Variants in RPTOR observed in about 807,000 individuals in gnomAD.
RPTOR encodes regulatory-associated protein of mTOR.
A neutral mutation model predicts 169.9 loss-of-function variants in RPTOR; 21 were observed. That is an observed-to-expected ratio of 0.12 (90% CI 0.09 to 0.18). RPTOR has a LOEUF of 0.18. Ranked by LOEUF, RPTOR falls within the 10% of genes least tolerant of loss-of-function variation. RPTOR has a pLI of 1.00. For synonymous variants in RPTOR, 732 were observed against 753.2 expected (o/e 0.97, Z 0.46); for missense variants, 1,133 against 1,855.9 (o/e 0.61, Z 7.16).
At chr17:80,891,275 G>C (rs1470760887) in intron 17 of RPTOR, among the ~76,000 whole-genome samples, 1 of 152,266 alleles carries the variant, frequency 6.6e-6, no homozygotes, top group Non-Finnish European at 1.5e-5. Flanking sequence ...GCTTCGGCTT[G>C]TCCGCTGCAC....
intron 2 of RPTOR, among the ~76,000 whole-genome samples, chr17:80,642,588 A>G (rs1401929748): frequency 6.6e-6 from 1 of 152,050 alleles, no homozygotes; most frequent in Non-Finnish European, 1.5e-5. Context: ...AAAATAATCT[A>G]TGGGTAAAAA....
At chr17:80,796,547 G>T (rs1482366473) in intron 7 of RPTOR, among the ~76,000 whole-genome samples, 2 of 152,160 alleles carry the variant, frequency 1.3e-5, no homozygotes, top group African/African-American at 4.8e-5. Flanking sequence ...ACTATCACGA[G>T]AACAGCCACT....
At chr17:80,806,936 C>G (rs1170056705) in intron 7 of RPTOR, among the ~76,000 whole-genome samples, 1 of 152,138 alleles carries the variant, frequency 6.6e-6, no homozygotes, top group African/African-American at 2.4e-5. Flanking sequence ...TGACCACATG[C>G]ATTAACCCTC....
At chr17:80,685,640 T>TA (rs1598220639) in intron 3 of RPTOR, among the ~76,000 whole-genome samples, 38 of 102,754 alleles carry the variant, frequency 3.7e-4, no homozygotes, top group East Asian at 1.3e-3. Context: ...TTTTTTTTTT[T>TA]TTTTTTTTTT....
chr17:80,681,403 G>A (rs931333562), intron 3 of RPTOR, among the ~76,000 whole-genome samples: 3 of 152,192 alleles, frequency 2.0e-5, no homozygotes, highest in Non-Finnish European at 4.4e-5. Flanking sequence ...TAGAGTGCGT[G>A]CGTGCTGTGT....
intron 13 of RPTOR, among the ~76,000 whole-genome samples, chr17:80,868,569 A>G (rs2068018240): frequency 6.6e-6 from 1 of 152,158 alleles, no homozygotes. Context: ...CTTATTTCAC[A>G]GTTTCTTATA....
At chr17:80,750,168 T>C (rs1163685184) in intron 5 of RPTOR, among the ~76,000 whole-genome samples, 1 of 152,226 alleles carries the variant, frequency 6.6e-6, no homozygotes, top group Non-Finnish European at 1.5e-5. Flanking sequence ...AAAGAAAACC[T>C]AAAACTAGTA....
chr17:80,696,676 T>A (rs2066039448), intron 3 of RPTOR, among the ~76,000 whole-genome samples: 1 of 152,230 alleles, frequency 6.6e-6, no homozygotes, highest in African/African-American at 2.4e-5. Context: ...TCTCTTGGCC[T>A]CTTTGCTGGA....
At chr17:80,643,864 C>T in intron 3 of RPTOR, 54 bp downstream of exon 3, 2 of 1,378,298 alleles carry the variant, frequency 1.5e-6, no homozygotes, top group Non-Finnish European at 2.0e-6. Context: ...AACTCCAGTT[C>T]CTTGGTTTCC....
At chr17:80,666,232 A>G (rs2065778154) in intron 3 of RPTOR, among the ~76,000 whole-genome samples, 1 of 150,210 alleles carries the variant, frequency 6.7e-6, no homozygotes, top group Non-Finnish European at 1.5e-5. Flanking sequence ...CTAAAATATT[A>G]TTCTTCTCCA....
intron 6 of RPTOR, among the ~76,000 whole-genome samples, chr17:80,784,195 C>G (rs1447301804): frequency 6.6e-6 from 1 of 151,772 alleles, no homozygotes; most frequent in Non-Finnish European, 1.5e-5. Flanking sequence ...CTCAAGTGAT[C>G]CTCCTGCCTT....
In RPTOR at chr17:80,958,405, CTT is replaced by C. The variant is rs34955105; in HGVS notation, c.3477+697_3477+698del. 2.3e-3 allele frequency among the ~76,000 whole-genome samples: 190 copies of C among 83,642 alleles called. 2 individuals carry two copies. Among genetic ancestry groups the C allele is most frequent in the African/African-American group, 9.8e-3 (185 of 18,938 alleles). The allele number at this position is 83,642 out of a possible 152,430, so 54.9% of individuals were successfully genotyped here. A position where few individuals can be genotyped will look rare whatever the true frequency, so the allele number is the denominator to read the frequency against. ...TACAGAAGACAGAAGATTTTTGTTTCTTTTTTTTTTTTTTTTTTTTTTTGAGA... is the reference window on the plus strand; with the variant it reads ...TACAGAAGACAGAAGATTTTTGTTTCTTTTTTTTTTTTTTTTTTTTTGAGA... On this transcript the variant is annotated intron_variant, in intron 29 of 33. Transcript: ENST00000306801.
intron 6 of RPTOR, among the ~76,000 whole-genome samples, chr17:80,784,170 C>T (rs67414861): frequency 0.25 from 38,350 of 151,456 alleles, 4,881 homozygotes; most frequent in South Asian, 0.27. Flanking sequence ...TCCACGCTGG[C>T]CTCACACTCG....
chr17:80,878,549 T>C lies in RPTOR; in HGVS notation c.1510-1866T>C, dbSNP rs1263673644. On this transcript the variant is annotated intron_variant, in intron 13 of 33. Coordinates refer to ENST00000306801, the MANE Select transcript of RPTOR (RefSeq NM_020761.3). The surrounding 1 kb of genome is among the most constrained non-coding windows in gnomAD (Gnocchi z 4.1). ...TTTTAGTAGAGACAGGATTTCACCA[T>C]ATTGGCCAGGCTGGTCTCGAACTCC... Among the ~76,000 whole-genome samples the C allele has an allele frequency of 2.6e-5, 4 of 152,050 alleles. No individual in the cohort carries two copies. The highest frequency in any genetic ancestry group is 6.6e-5 in the Admixed American group (1 of 15,262).
At chr17:80,926,023 C>T (rs2068807804) in intron 24 of RPTOR, among the ~76,000 whole-genome samples, 1 of 152,204 alleles carries the variant, frequency 6.6e-6, no homozygotes, top group African/African-American at 2.4e-5. Flanking sequence ...AGCACAGTCC[C>T]AGTGCTCATC....
intron 1 of RPTOR, among the ~76,000 whole-genome samples, chr17:80,561,282 T>G: frequency 8.4e-6 from 1 of 118,446 alleles, no homozygotes. Flanking sequence ...TATATATATA[T>G]ATATATTTAG....
At chr17:80,903,688 A>C (rs929271477) in intron 20 of RPTOR, among the ~76,000 whole-genome samples, 2 of 152,158 alleles carry the variant, frequency 1.3e-5, no homozygotes, top group African/African-American at 4.8e-5. Flanking sequence ...CAAGGCATCG[A>C]GAAGCTGAAA....
intron 6 of RPTOR, among the ~76,000 whole-genome samples, chr17:80,781,846 G>A (rs1044414695): frequency 6.6e-6 from 1 of 152,204 alleles, no homozygotes; most frequent in Non-Finnish European, 1.5e-5. Context: ...TGCAGAAGGG[G>A]CTATGATTGT....
Position 80,844,640 on chromosome 17 carries a change from A to T in RPTOR, c.1213-1833A>T, listed in dbSNP as rs2067706097. Among the ~76,000 whole-genome samples, 2 of 152,212 alleles carry T rather than the reference A, an allele frequency of 1.3e-5. No individual in the cohort carries two copies. The highest frequency in any genetic ancestry group is 4.8e-5 in the African/African-American group (2 of 41,444). On this transcript the variant is annotated intron_variant, in intron 10 of 33. Transcript: ENST00000306801. The surrounding 1 kb of genome is among the most constrained non-coding windows in gnomAD (Gnocchi z 4.7). ...TTCTGTAAGCTGGCTGCACAGGAGCACGGATTCCTACGTGGTGAATGTTCT... is the reference window on the plus strand; with the variant it reads ...TTCTGTAAGCTGGCTGCACAGGAGCTCGGATTCCTACGTGGTGAATGTTCT...
Sources: allele counts gnomAD v4.1 joint callset (sites outside exome capture counted in the v4.1 genomes callset), GRCh38; gene constraint gnomAD v4.1.1; non-coding constraint Gnocchi (gnomAD v3.1); transcripts MANE v1.5; gene names NCBI Gene and HGNC (gene_info 2026-07-23, HGNC 2026-07-21).